The following ZNF365 variants were observed in gnomAD, a reference collection of about 807,000 sequenced individuals.
The protein encoded by ZNF365 is zinc finger protein 365.
Under a neutral mutation model 35.0 loss-of-function variants are expected in ZNF365, and 22 were observed. The ratio of observed to expected loss-of-function variants is 0.63; its 90% CI spans 0.45 to 0.90. ZNF365 has a LOEUF of 0.90. Ranked by LOEUF, ZNF365 falls within the 40% of genes least tolerant of loss-of-function variation. The pLI is 0.00. For synonymous variants in ZNF365, 188 were observed against 196.2 expected (o/e 0.96, Z 0.35); for missense variants, 448 against 500.3 (o/e 0.90, Z 1.00).
At chr10:62,416,103 T>C (rs892080396) in intron 3 of ZNF365, among the ~76,000 whole-genome samples, 3 of 152,170 alleles carry the variant, frequency 2.0e-5, no homozygotes, top group African/African-American at 7.2e-5. Context: ...CCCTGGTTTT[T>C]CATTTTGATT....
chr10:62,443,479 C>G, intron 3 of ZNF365, among the ~76,000 whole-genome samples: 1 of 152,272 alleles, frequency 6.6e-6, no homozygotes, highest in Non-Finnish European at 1.5e-5. Flanking sequence ...TTACAGTTCC[C>G]TGGTTCGGAG....
chr10:62,471,329 G>C (rs1481705793), intron 4 of ZNF365, among the ~76,000 whole-genome samples: 1 of 144,984 alleles, frequency 6.9e-6, no homozygotes, highest in Non-Finnish European at 1.5e-5. Flanking sequence ...TTGTGCCACT[G>C]CATTCCAGCC....
intron 3 of ZNF365, among the ~76,000 whole-genome samples, chr10:62,426,725 T>C (rs1589448782): frequency 6.6e-6 from 1 of 152,194 alleles, no homozygotes; most frequent in Middle Eastern, 3.4e-3. Flanking sequence ...AATCATTTCA[T>C]GGGGCTCTAA....
intron 4 of ZNF365, among the ~76,000 whole-genome samples, chr10:62,465,955 C>A (rs1033170150): frequency 6.6e-6 from 1 of 152,096 alleles, no homozygotes; most frequent in African/African-American, 2.4e-5. Context: ...TCACTTGCAC[C>A]CAGAAGCCAC....
At chr10:62,413,140 G>A (rs1013871035) in intron 3 of ZNF365, among the ~76,000 whole-genome samples, 1 of 152,128 alleles carries the variant, frequency 6.6e-6, no homozygotes, top group Non-Finnish European at 1.5e-5. Flanking sequence ...AAAGGCATCT[G>A]ATGTTTTCTA....
intron 3 of ZNF365, among the ~76,000 whole-genome samples, chr10:62,439,870 CA>C (rs975564997): frequency 6.6e-6 from 1 of 152,188 alleles, no homozygotes; most frequent in African/African-American, 2.4e-5. Flanking sequence ...TAAAATCCCT[CA>C]AAAATATCAT....
At chr10:62,463,580 A>G (rs544315389) in intron 4 of ZNF365, among the ~76,000 whole-genome samples, 3 of 152,364 alleles carry the variant, frequency 2.0e-5, no homozygotes, top group East Asian at 3.9e-4. Context: ...TCAGCTTAGT[A>G]ATAACTATAA....
chr10:62,421,708 T>A (rs891883227), intron 3 of ZNF365, among the ~76,000 whole-genome samples: 1 of 152,200 alleles, frequency 6.6e-6, no homozygotes, highest in Non-Finnish European at 1.5e-5. Context: ...TGATACTACA[T>A]CCCTGAGGTA....
chr10:62,427,373 G>T (rs1434469049), intron 3 of ZNF365, among the ~76,000 whole-genome samples: 2 of 152,136 alleles, frequency 1.3e-5, no homozygotes, highest in Non-Finnish European at 2.9e-5. Context: ...ATGCTGTACA[G>T]GTTTGCAGCA....
chr10:62,377,954 G>T (rs1454012635), intron 2 of ZNF365, among the ~76,000 whole-genome samples: 3 of 152,188 alleles, frequency 2.0e-5, no homozygotes, highest in Non-Finnish European at 1.5e-5. Flanking sequence ...GTAATAATTA[G>T]AACTTCCTGA....
downstream of ZNF365, among the ~76,000 whole-genome samples, chr10:62,404,971 T>C (rs1839884022): frequency 6.6e-6 from 1 of 152,132 alleles, no homozygotes; most frequent in Non-Finnish European, 1.5e-5. Context: ...GCTGAGGAGG[T>C]ACAATTTTCT....
At chr10:62,432,235 C>T (rs575108120) in intron 3 of ZNF365, among the ~76,000 whole-genome samples, 2 of 152,214 alleles carry the variant, frequency 1.3e-5, no homozygotes, top group South Asian at 4.1e-4. Flanking sequence ...TTGCTGGGAG[C>T]TGAGGGGCAA....
At chr10:62,461,673 A>C (rs527720067) in intron 4 of ZNF365, among the ~76,000 whole-genome samples, 34 of 152,342 alleles carry the variant, frequency 2.2e-4, no homozygotes, top group African/African-American at 7.9e-4. Context: ...TTGCTGTAGA[A>C]TTTTCCAGAA....
At chr10:62,470,802 G>A (rs191891865) in intron 4 of ZNF365, among the ~76,000 whole-genome samples, 20 of 151,958 alleles carry the variant, frequency 1.3e-4, no homozygotes, top group African/African-American at 3.9e-4. Flanking sequence ...GTTGCCTTTC[G>A]TTTATTTTGA....
chr10:62,407,085 C>G (rs1440439056), downstream of ZNF365, among the ~76,000 whole-genome samples: 1 of 152,246 alleles, frequency 6.6e-6, no homozygotes, highest in Non-Finnish European at 1.5e-5. Context: ...GTCCTTCCAG[C>G]AAGGGCTGGA....
At chr10:62,387,803 C>T (rs1375132860) in intron 2 of ZNF365, among the ~76,000 whole-genome samples, 3 of 152,162 alleles carry the variant, frequency 2.0e-5, no homozygotes, top group Admixed American at 2.0e-4. Context: ...CCTATACTTT[C>T]TCTCCCTGTA....
chr10:62,422,478 G>C (rs1279387978), intron 3 of ZNF365, among the ~76,000 whole-genome samples: 6 of 152,078 alleles, frequency 3.9e-5, no homozygotes, highest in Non-Finnish European at 7.4e-5. Flanking sequence ...ACTGCAGCTG[G>C]TCTGGACTGC....
At chr10:62,471,174 G>A (rs1348001525) in intron 4 of ZNF365, among the ~76,000 whole-genome samples, 1 of 151,932 alleles carries the variant, frequency 6.6e-6, no homozygotes, top group Non-Finnish European at 1.5e-5. Flanking sequence ...AGATCATCCT[G>A]GCTAACATGG....
intron 4 of ZNF365, among the ~76,000 whole-genome samples, chr10:62,471,622 T>G (rs967350726): frequency 4.6e-5 from 7 of 152,224 alleles, no homozygotes; most frequent in Admixed American, 1.3e-4. Flanking sequence ...TGGCTTACTA[T>G]TGCAAAATCC....
Sources: allele counts gnomAD v4.1 joint callset (sites outside exome capture counted in the v4.1 genomes callset), GRCh38; gene constraint gnomAD v4.1.1; transcripts MANE v1.5; gene names NCBI Gene and HGNC (gene_info 2026-07-23, HGNC 2026-07-21).